Variants in CAMK1D observed in about 807,000 individuals in gnomAD.
The protein encoded by CAMK1D is calcium/calmodulin-dependent protein kinase type 1D.
In CAMK1D, 9 loss-of-function variants were observed where a neutral mutation model predicts 47.7. That is an observed-to-expected ratio of 0.19 (90% CI 0.11 to 0.33). CAMK1D has a LOEUF of 0.33. Among genes scored for constraint, CAMK1D ranks in the 10% least tolerant of loss-of-function variants. The pLI is 1.00. For missense variants in CAMK1D, 291 were observed against 488.7 expected (o/e 0.60, Z 3.81); for synonymous variants, 184 against 184.9 (o/e 0.99, Z 0.04).
chr10:12,467,513 G>A (rs969329868), intron 1 of CAMK1D, among the ~76,000 whole-genome samples: 8 of 152,278 alleles, frequency 5.3e-5, no homozygotes, highest in East Asian at 1.9e-4. Context: ...CTTGAGCCAT[G>A]TCCCAACCTA....
At chr10:12,354,690 G>A (rs898034502) in intron 1 of CAMK1D, among the ~76,000 whole-genome samples, 23 of 151,652 alleles carry the variant, frequency 1.5e-4, no homozygotes, top group Non-Finnish European at 2.7e-4. Context: ...GATTACAGAC[G>A]TGAGCCGCCG....
At chr10:12,714,805 C>CACACAA (rs1169447579) in intron 3 of CAMK1D, among the ~76,000 whole-genome samples, 76 of 149,020 alleles carry the variant, frequency 5.1e-4, no homozygotes, top group African/African-American at 1.8e-3. Context: ...CACACACACA[C>CACACAA]AATGTCTGAT....
intron 6 of CAMK1D, 143 bp downstream of exon 6, chr10:12,791,376 G>GCA: frequency 1.5e-6 from 1 of 654,884 alleles, no homozygotes; most frequent in Admixed American, 2.8e-5. Context: ...CAGTTCAGTG[G>GCA]CATTAAGTCC....
intron 3 of CAMK1D, among the ~76,000 whole-genome samples, chr10:12,679,794 A>G (rs1030492591): frequency 6.6e-6 from 1 of 152,064 alleles, no homozygotes; most frequent in Admixed American, 6.5e-5. Context: ...CTGAATACCC[A>G]TCTGCCTGGA....
intron 2 of CAMK1D, among the ~76,000 whole-genome samples, chr10:12,616,191 CAT>C (rs1342676057): frequency 2.6e-5 from 4 of 151,964 alleles, no homozygotes; most frequent in South Asian, 2.1e-4. Flanking sequence ...TGAGTGTGCA[CAT>C]GTGTGTTTAA....
intron 1 of CAMK1D, among the ~76,000 whole-genome samples, chr10:12,411,216 C>G (rs1839645044): frequency 6.6e-6 from 1 of 152,210 alleles, no homozygotes; most frequent in South Asian, 2.1e-4. Flanking sequence ...GTCATGTTTT[C>G]TTATTCCATG....
chr10:12,352,455 C>T (rs112415281), intron 1 of CAMK1D, among the ~76,000 whole-genome samples: 3 of 151,552 alleles, frequency 2.0e-5, no homozygotes, highest in African/African-American at 4.9e-5. Flanking sequence ...CTAACAATAA[C>T]AAAATTAGCC....
intron 1 of CAMK1D, among the ~76,000 whole-genome samples, chr10:12,475,265 T>G (rs1369109588): frequency 6.6e-6 from 1 of 152,206 alleles, no homozygotes; most frequent in Non-Finnish European, 1.5e-5. Context: ...CTGCACCCAT[T>G]AAACAACAAG....
chr10:12,554,426 T>C (rs1306663500), intron 2 of CAMK1D, among the ~76,000 whole-genome samples: 1 of 130,440 alleles, frequency 7.7e-6, no homozygotes, highest in African/African-American at 2.6e-5. Flanking sequence ...AAGTGCTGAG[T>C]TTACAGGCAT....
At chr10:12,674,599 C>CTTTTTTTTTTT (rs11391139) in intron 3 of CAMK1D, among the ~76,000 whole-genome samples, 1,153 of 63,360 alleles carry the variant, frequency 0.018, 159 homozygotes, top group South Asian at 0.051. Context: ...TGGAAAAATG[C>CTTTTTTTTTTT]TTTTTTTTTT....
At chr10:12,358,631 A>G (rs1837579968) in intron 1 of CAMK1D, among the ~76,000 whole-genome samples, 1 of 152,194 alleles carries the variant, frequency 6.6e-6, no homozygotes, top group Non-Finnish European at 1.5e-5. Context: ...GAGGCCGGGT[A>G]AAGGAGGCAA....
At chr10:12,819,352 T>C (rs1053138235) in intron 8 of CAMK1D, among the ~76,000 whole-genome samples, 1 of 152,128 alleles carries the variant, frequency 6.6e-6, no homozygotes, top group Non-Finnish European at 1.5e-5. Flanking sequence ...GAACACATGG[T>C]ATTCCAGAGT....
intron 1 of CAMK1D, among the ~76,000 whole-genome samples, chr10:12,537,639 G>C (rs768257764): frequency 6.6e-6 from 1 of 152,156 alleles, no homozygotes; most frequent in African/African-American, 2.4e-5. Context: ...CTGCAGGCCC[G>C]GACTGTCTCT....
At chr10:12,523,306 G>A (rs1835501158) in intron 1 of CAMK1D, among the ~76,000 whole-genome samples, 2 of 151,442 alleles carry the variant, frequency 1.3e-5, no homozygotes, top group Non-Finnish European at 1.5e-5. Context: ...GACGATGGGC[G>A]GCCAGGCAGA....
At chr10:12,547,899 C>T (rs989810743) in intron 1 of CAMK1D, among the ~76,000 whole-genome samples, 4 of 152,116 alleles carry the variant, frequency 2.6e-5, no homozygotes, top group African/African-American at 4.8e-5. Flanking sequence ...AAGCTTAAAG[C>T]GGGTCAATGC....
chr10:12,698,912 C>A (rs912344377), intron 3 of CAMK1D, among the ~76,000 whole-genome samples: 1 of 152,038 alleles, frequency 6.6e-6, no homozygotes, highest in Non-Finnish European at 1.5e-5. Flanking sequence ...ACCTCGTGAT[C>A]TGCCTACCTC....
intron 1 of CAMK1D, among the ~76,000 whole-genome samples, chr10:12,410,916 A>G (rs1839633959): frequency 6.6e-6 from 1 of 152,140 alleles, no homozygotes; most frequent in Non-Finnish European, 1.5e-5. Flanking sequence ...ACTTTGTACT[A>G]ATTGCCAAAG....
intron 1 of CAMK1D, among the ~76,000 whole-genome samples, chr10:12,515,402 C>CTT (rs772694725): frequency 0.012 from 1,270 of 101,980 alleles, 19 homozygotes; most frequent in South Asian, 0.074. Flanking sequence ...TTTTCCTTTT[C>CTT]TTTTTTTTTT....
intron 10 of CAMK1D, among the ~76,000 whole-genome samples, chr10:12,826,714 A>G (rs1833221769): frequency 6.6e-6 from 1 of 152,112 alleles, no homozygotes. Context: ...GAATCTTCCC[A>G]TCTCATTTGG....
Sources: gnomAD v4.1 joint callset for allele counts (sites outside exome capture counted in the v4.1 genomes callset) on GRCh38, gnomAD v4.1.1 for gene constraint, MANE v1.5 for transcripts, NCBI Gene and HGNC (gene_info 2026-07-23, HGNC 2026-07-21) for gene names.